SI: variants seen among roughly 807,000 people sequenced by gnomAD.
SI encodes sucrase-isomaltase, intestinal.
SI carries 235 observed loss-of-function variants against 253.3 expected under a neutral mutation model. The ratio of observed to expected loss-of-function variants is 0.93; its 90% CI spans 0.83 to 1.03. The LOEUF is 1.03. Among genes scored for constraint, SI ranks in the 50% least tolerant of loss-of-function variants. SI has a pLI of 0.00. For synonymous variants in SI, 819 were observed against 712.0 expected (o/e 1.15, Z -2.39); for missense variants, 2,442 against 2,211.1 (o/e 1.10, Z -2.09).
intron 33 of SI, among the ~76,000 whole-genome samples, chr3:165,013,560 C>A (rs1576885121): frequency 6.6e-6 from 1 of 152,028 alleles, no homozygotes; most frequent in African/African-American, 2.4e-5. Flanking sequence ...GACCTCATTG[C>A]CTACCAACAT....
Position 164,994,300 on chromosome 3 carries a change from T to A in SI, c.4798A>T (p.Ile1600Phe). 1 of 1,610,866 alleles carries A rather than the reference T, an allele frequency of 6.2e-7. No homozygotes were observed. The highest frequency in any genetic ancestry group is 8.5e-7 in the Non-Finnish European group (1 of 1,177,696). ...LPYFYTQMHE[I>F]HANGGTVIRP... ...ATAACAGTGCCACCATTAGCATGAA[T>A]TTCATGCATTTGTGTGTAAAAATAG... Residue 1600 changes from isoleucine to phenylalanine, a missense_variant, in exon 41 of 48, where the codon ATT (isoleucine) becomes TTT (phenylalanine). Ile to Phe is a conservative substitution (Grantham distance 21). Coordinates refer to ENST00000264382, the MANE Select transcript of SI (RefSeq NM_001041.4).
At chr3:165,051,628 T>C (rs998592968) in intron 13 of SI, among the ~76,000 whole-genome samples, 2 of 152,080 alleles carry the variant, frequency 1.3e-5, no homozygotes, top group Non-Finnish European at 1.5e-5. Flanking sequence ...GTGAGCTGCA[T>C]TATTTTAAAT....
intron 13 of SI, among the ~76,000 whole-genome samples, chr3:165,054,147 T>A (rs1473553357): frequency 6.6e-6 from 1 of 152,116 alleles, no homozygotes; most frequent in Non-Finnish European, 1.5e-5. Flanking sequence ...ATTGATTTAA[T>A]AAATAAGTGA....
chr3:165,050,161 C>T (rs926699979), intron 13 of SI, among the ~76,000 whole-genome samples: 2 of 152,004 alleles, frequency 1.3e-5, no homozygotes. Flanking sequence ...TTCTAAATAG[C>T]TGTTAGTCTT....
At chr3:165,068,622 G>T in intron 5 of SI, 100 bp downstream of exon 5, 1 of 826,038 alleles carries the variant, frequency 1.2e-6, no homozygotes, top group South Asian at 1.3e-5. Context: ...ATCCGCCCAC[G>T]TCAGCTTCCC....
Position 165,037,977 on chromosome 3 carries a change from T to C in SI, c.2349A>G (p.Pro783=). ...TAAGATGTAATCCTATTTTGTCTGC[T>C]GGAAGATACATATCAACCCGTTGTT... ...WRKQRVDMYL[P]ADKIGLHLRG... The change falls in exon 21 of 48, where the codon CCA becomes CCG. Residue 783 remains proline (P), a synonymous_variant. Coordinates refer to ENST00000264382, the MANE Select transcript of SI (RefSeq NM_001041.4). 6.2e-7 allele frequency: 1 copy of C among 1,611,004 alleles called. No homozygotes were observed. Among genetic ancestry groups the C allele is most frequent in the Non-Finnish European group, 8.5e-7 (1 of 1,177,742 alleles).
chr3:164,986,322 C>G (rs1004529321), intron 45 of SI, among the ~76,000 whole-genome samples: 1 of 152,170 alleles, frequency 6.6e-6, no homozygotes, highest in South Asian at 2.1e-4. Context: ...TCCCCCAAAG[C>G]TAGCTATAAA....
chr3:164,992,531 T>C, intron 41 of SI, 134 bp from the exon 42 acceptor site: 4 of 651,824 alleles, frequency 6.1e-6, no homozygotes, highest in Non-Finnish European at 1.1e-5. Context: ...GTAAAAAAAT[T>C]AAAAAATATA....
rs1245167930 is a variant in SI at position 165,069,116 on chromosome 3, T to C, written c.335A>G (p.His112Arg). 15 of 1,612,980 alleles carry C rather than the reference T, an allele frequency of 9.3e-6. No individual in the cohort carries two copies. The highest frequency in any genetic ancestry group is 1.3e-5 in the Non-Finnish European group (15 of 1,179,158). ...TGTCATGTCTTGAACGTTATAACCA[T>C]GATTATCAACGAAGAAGCACCAAGG... Reference protein sequence around the residue: ...LIPWCFFVDNHGYNVQDMTTT... With the variant: ...LIPWCFFVDNRGYNVQDMTTT... The change falls in exon 4 of 48, where the codon CAT (histidine) becomes CGT (arginine). Residue 112 changes from histidine (H) to arginine (R), a missense_variant. Transcript: ENST00000264382.
At chr3:165,027,108 C>T (rs1042691984) in intron 25 of SI, among the ~76,000 whole-genome samples, 3 of 151,178 alleles carry the variant, frequency 2.0e-5, no homozygotes, top group Non-Finnish European at 4.4e-5. Context: ...TCCAAATAAG[C>T]TCAATTAGAA....
At chr3:165,016,707 C>A (rs573254859) in intron 31 of SI, among the ~76,000 whole-genome samples, 3 of 151,924 alleles carry the variant, frequency 2.0e-5, no homozygotes, top group Non-Finnish European at 4.4e-5. Flanking sequence ...TCAATTGAAG[C>A]CTAAATACAA....
At chr3:165,022,811 T>C (rs1447798637) in intron 26 of SI, among the ~76,000 whole-genome samples, 2 of 151,694 alleles carry the variant, frequency 1.3e-5, no homozygotes, top group Non-Finnish European at 3.0e-5. Context: ...GATATTTCAC[T>C]AAGATTTATA....
intron 13 of SI, among the ~76,000 whole-genome samples, chr3:165,053,691 T>C (rs572712357): frequency 6.6e-6 from 1 of 152,226 alleles, no homozygotes; most frequent in South Asian, 2.1e-4. Context: ...CAGTTCTCAA[T>C]GAATGCAAGA....
intron 34 of SI, among the ~76,000 whole-genome samples, chr3:165,010,327 T>C (rs139096923): frequency 3.3e-5 from 5 of 152,064 alleles, no homozygotes; most frequent in African/African-American, 1.2e-4. Context: ...ACCTGGCTAA[T>C]TTTTTGTATT....
chr3:165,077,227 C>T (rs2108120740), intron 1 of SI, among the ~76,000 whole-genome samples: 1 of 151,588 alleles, frequency 6.6e-6, no homozygotes, highest in African/African-American at 2.4e-5. Context: ...CAATTTCAAT[C>T]CCTCCCCATC....
At chr3:164,995,748 T>C (rs1187510700) in intron 40 of SI, among the ~76,000 whole-genome samples, 2 of 151,820 alleles carry the variant, frequency 1.3e-5, no homozygotes, top group African/African-American at 4.8e-5. Context: ...AGAATCTCTA[T>C]AAAACTCCAT....
At chr3:165,008,248 A>T (rs1160488772) in intron 35 of SI, among the ~76,000 whole-genome samples, 1 of 151,998 alleles carries the variant, frequency 6.6e-6, no homozygotes, top group Admixed American at 6.6e-5. Context: ...CCATAAAAAT[A>T]GTTTATTTTC....
intron 37 of SI, among the ~76,000 whole-genome samples, chr3:165,003,726 C>G (rs964710955): frequency 2.0e-5 from 3 of 152,010 alleles, no homozygotes; most frequent in African/African-American, 7.2e-5. Context: ...TATTCAGATG[C>G]TTAGGCTATA....
chr3:165,034,994 G>A (rs893644286), intron 22 of SI, among the ~76,000 whole-genome samples: 1 of 151,938 alleles, frequency 6.6e-6, no homozygotes, highest in Admixed American at 6.6e-5. Flanking sequence ...TCAGATCAAA[G>A]TAGAACCAAT....
Sources: allele counts gnomAD v4.1 joint callset (sites outside exome capture counted in the v4.1 genomes callset), GRCh38; gene constraint gnomAD v4.1.1; transcripts MANE v1.5; gene names NCBI Gene and HGNC (gene_info 2026-07-23, HGNC 2026-07-21).